BNC2: variants seen among roughly 807,000 people sequenced by gnomAD.
The protein encoded by BNC2 is basonuclin zinc finger protein 2, also known as zinc finger protein basonuclin-2.
Under a neutral mutation model 76.3 loss-of-function variants are expected in BNC2, and 20 were observed. The observed-to-expected ratio is 0.26, with a 90% CI of 0.18 to 0.38. BNC2 has a LOEUF of 0.38. Ranked by LOEUF, BNC2 falls within the 10% of genes least tolerant of loss-of-function variation. The pLI is 1.00. For synonymous variants in BNC2, 582 were observed against 514.8 expected (o/e 1.13, Z -1.77); for missense variants, 1,382 against 1,399.8 (o/e 0.99, Z 0.20).
chr9:16,655,941 G>A (rs866871314), intron 3 of BNC2, among the ~76,000 whole-genome samples: 34 of 152,200 alleles, frequency 2.2e-4, no homozygotes, highest in African/African-American at 7.0e-4. Flanking sequence ...AGATGGACAC[G>A]TGTGGACATA....
At chr9:16,533,881 T>C (rs1195476145) in intron 5 of BNC2, among the ~76,000 whole-genome samples, 2 of 152,120 alleles carry the variant, frequency 1.3e-5, no homozygotes, top group Non-Finnish European at 2.9e-5. Flanking sequence ...TGAATTTTAT[T>C]AGAGAGAAAC....
intron 3 of BNC2, among the ~76,000 whole-genome samples, chr9:16,707,640 T>C (rs1194062637): frequency 6.6e-6 from 1 of 152,084 alleles, no homozygotes; most frequent in Non-Finnish European, 1.5e-5. Flanking sequence ...CAAGTAATTA[T>C]TACTATTATT....
intron 4 of BNC2, among the ~76,000 whole-genome samples, chr9:16,578,432 T>C (rs966863602): frequency 1.3e-5 from 2 of 152,164 alleles, no homozygotes; most frequent in African/African-American, 4.8e-5. Context: ...CTGTTTTTTT[T>C]CACGAAGACA....
At chr9:16,672,584 G>A (rs144843849) in intron 3 of BNC2, among the ~76,000 whole-genome samples, 16 of 152,204 alleles carry the variant, frequency 1.1e-4, no homozygotes, top group Non-Finnish European at 1.9e-4. Context: ...TCATAATTAC[G>A]ATTTTATCGT....
chr9:16,583,164 C>A, intron 3 of BNC2, 79 bp from the exon 4 acceptor site: 1 of 1,181,846 alleles, frequency 8.5e-7, no homozygotes, highest in Non-Finnish European at 1.3e-6. Context: ...ATAAATATTG[C>A]CCACTTCTAT....
At chr9:16,515,190 G>A (rs566790467) in intron 5 of BNC2, among the ~76,000 whole-genome samples, 22 of 152,298 alleles carry the variant, frequency 1.4e-4, no homozygotes, top group African/African-American at 4.8e-4. Flanking sequence ...ATGGAGATCC[G>A]AGAGGGAATC....
At position 16,437,145 on chromosome 9, in the gene BNC2, A is replaced by G; in HGVS notation, c.1049T>C (p.Leu350Ser). 1 of 1,614,170 alleles carries G rather than the reference A, an allele frequency of 6.2e-7. No individual in the cohort carries two copies. ...PNGLLLEQPG[L>S]RLREPSLSTQ... Reference sequence around the variant, plus strand: ...TGAAAGGCTGGGTTCCCGCAGCCTCAACCCTGGTTGCTCTAACAGTAGCCC... The same window carrying G: ...TGAAAGGCTGGGTTCCCGCAGCCTCGACCCTGGTTGCTCTAACAGTAGCCC... Residue 350 changes from leucine to serine, a missense_variant, in exon 6 of 7, where the codon TTG (leucine) becomes TCG (serine). Transcript: ENST00000380672.
At chr9:16,524,177 G>A (rs1001268474) in intron 5 of BNC2, among the ~76,000 whole-genome samples, 1 of 152,142 alleles carries the variant, frequency 6.6e-6, no homozygotes, top group African/African-American at 2.4e-5. Flanking sequence ...AAAATGACAA[G>A]GAAACCAGTA....
At chr9:16,789,018 T>C (rs924127778) in intron 1 of BNC2, among the ~76,000 whole-genome samples, 1 of 152,060 alleles carries the variant, frequency 6.6e-6, no homozygotes, top group African/African-American at 2.4e-5. Flanking sequence ...CTCAAATCCA[T>C]CCTCCAACCA....
At chr9:16,561,039 G>C (rs1039856605) in intron 4 of BNC2, among the ~76,000 whole-genome samples, 4 of 152,100 alleles carry the variant, frequency 2.6e-5, no homozygotes, top group Non-Finnish European at 5.9e-5. Context: ...AGGAGTTTGT[G>C]ACCAGCCTGG....
At chr9:16,750,772 T>C (rs1825168198) in intron 1 of BNC2, among the ~76,000 whole-genome samples, 1 of 152,274 alleles carries the variant, frequency 6.6e-6, no homozygotes, top group African/African-American at 2.4e-5. Flanking sequence ...AGCAAATTCA[T>C]GTCTGCTTCA....
At chr9:16,791,394 C>G (rs772817200) in intron 1 of BNC2, among the ~76,000 whole-genome samples, 1 of 152,166 alleles carries the variant, frequency 6.6e-6, no homozygotes, top group Non-Finnish European at 1.5e-5. Flanking sequence ...ATAACTGAAA[C>G]TTGGACTGTG....
intron 5 of BNC2, among the ~76,000 whole-genome samples, chr9:16,550,319 ATTC>A (rs1224268921): frequency 1.3e-5 from 2 of 152,178 alleles, no homozygotes; most frequent in Non-Finnish European, 2.9e-5. Context: ...GCCCAAAACA[ATTC>A]TTCTTCCAAT....
chr9:16,625,704 C>A (rs1356649121), intron 3 of BNC2: 9 of 152,254 alleles, frequency 5.9e-5, no homozygotes, highest in Admixed American at 4.6e-4. Context: ...CCTTTCTGAG[C>A]AAACAATGAG....
intron 1 of BNC2, among the ~76,000 whole-genome samples, chr9:16,852,792 C>G (rs538482840): frequency 6.8e-6 from 1 of 147,056 alleles, no homozygotes; most frequent in East Asian, 2.7e-4. Context: ...GGAAGCCCTG[C>G]AAAAGTGTGA....
chr9:16,743,863 G>A (rs1485334082), intron 1 of BNC2, among the ~76,000 whole-genome samples: 3 of 152,262 alleles, frequency 2.0e-5, no homozygotes, highest in Middle Eastern at 3.4e-3. Context: ...TACCCCAGGG[G>A]AAAAACCTAA....
chr9:16,544,452 G>A (rs1200212277), intron 5 of BNC2, among the ~76,000 whole-genome samples: 1 of 152,086 alleles, frequency 6.6e-6, no homozygotes, highest in Non-Finnish European at 1.5e-5. Flanking sequence ...GCCAGAGCTT[G>A]GAAAGTATTG....
chr9:16,779,932 A>G (rs115372528), intron 1 of BNC2, among the ~76,000 whole-genome samples: 2,524 of 152,298 alleles, frequency 0.017, 74 homozygotes, highest in African/African-American at 0.057. Flanking sequence ...TAGTTAGACA[A>G]TATACTAAAA....
chr9:16,839,527 C>T (rs899672870), intron 1 of BNC2, among the ~76,000 whole-genome samples: 2 of 152,152 alleles, frequency 1.3e-5, no homozygotes, highest in Non-Finnish European at 2.9e-5. Flanking sequence ...TCTGAAAGGA[C>T]CTACTATGTT....
Sources: gnomAD v4.1 joint callset for allele counts (sites outside exome capture counted in the v4.1 genomes callset) on GRCh38, gnomAD v4.1.1 for gene constraint, MANE v1.5 for transcripts, NCBI Gene and HGNC (gene_info 2026-07-23, HGNC 2026-07-21) for gene names.